PREX2: variants seen among roughly 807,000 people sequenced by gnomAD.
The protein encoded by PREX2 is phosphatidylinositol-3,4,5-trisphosphate dependent Rac exchange factor 2.
A neutral mutation model predicts 203.2 loss-of-function variants in PREX2; 107 were observed. The ratio of observed to expected loss-of-function variants is 0.53; its 90% CI spans 0.45 to 0.62. The LOEUF (loss-of-function observed/expected upper bound fraction) is 0.62. Ranked by LOEUF, PREX2 falls within the 20% of genes least tolerant of loss-of-function variation. The pLI is 0.00. For synonymous variants in PREX2, 672 were observed against 663.6 expected (o/e 1.01, Z -0.19); for missense variants, 1,777 against 1,955.9 (o/e 0.91, Z 1.72).
chr8:68,170,811 A>G (rs968302276), intron 35 of PREX2, among the ~76,000 whole-genome samples: 4 of 151,994 alleles, frequency 2.6e-5, no homozygotes, highest in Non-Finnish European at 4.4e-5. Flanking sequence ...TATCATCCCT[A>G]TCAGCCTCAT....
intron 23 of PREX2, chr8:68,100,123 C>CA (rs748460230): frequency 5.3e-6 from 3 of 565,364 alleles, no homozygotes; most frequent in Non-Finnish European, 1.0e-5. Flanking sequence ...TAGAGCTGGG[C>CA]ATTGAGTGCA....
At chr8:68,008,997 T>A (rs144968600) in intron 1 of PREX2, among the ~76,000 whole-genome samples, 1 of 152,324 alleles carries the variant, frequency 6.6e-6, no homozygotes, top group Non-Finnish European at 1.5e-5. Context: ...TAAAACAAGT[T>A]CATGTTAATT....
At chr8:68,162,119 C>T (rs970938136) in intron 35 of PREX2, among the ~76,000 whole-genome samples, 8 of 152,170 alleles carry the variant, frequency 5.3e-5, no homozygotes, top group African/African-American at 1.9e-4. Flanking sequence ...CCTCCCACAA[C>T]ATGTGGGGAT....
rs758358644 is a variant in PREX2 at position 68,115,926 on chromosome 8, C to T, written c.3320C>T (p.Ser1107Phe). Reference protein sequence around the residue: ...SGHDTISNRDSYSDCNSNRNS... With the variant: ...SGHDTISNRDFYSDCNSNRNS... The stretch of plus-strand genomic sequence containing the variant: ...CATGACACCATCAGCAACAGAGACT[C>T]TTACAGGTAATTCACTAATTCCTCA... The change falls in exon 26 of 40, where the codon TCT becomes TTT. Residue 1107 changes from serine to phenylalanine, a missense_variant. By Grantham distance (155) the Ser-to-Phe change is radical (BLOSUM62 -2). Coordinates refer to ENST00000288368, the MANE Select transcript of PREX2 (RefSeq NM_024870.4). The T allele has an allele frequency of 6.3e-7, 1 of 1,597,414 alleles. No individual in the cohort carries two copies. The highest frequency in any genetic ancestry group is 1.3e-5 in the African/African-American group (1 of 74,382).
At chr8:68,041,979 G>A (rs998062664) in intron 7 of PREX2, among the ~76,000 whole-genome samples, 2 of 152,068 alleles carry the variant, frequency 1.3e-5, no homozygotes, top group East Asian at 3.9e-4. Flanking sequence ...AATGTATTAT[G>A]TGGATCAAAT....
chr8:68,138,550 G>T (rs1278098779), intron 33 of PREX2, 33 bp downstream of exon 33: 1 of 1,050,446 alleles, frequency 9.5e-7, no homozygotes, highest in Admixed American at 2.0e-5. Flanking sequence ...AATTTATTTG[G>T]CATCAAATAA....
At chr8:68,013,021 G>A (rs1009973445) in intron 1 of PREX2, among the ~76,000 whole-genome samples, 14 of 152,206 alleles carry the variant, frequency 9.2e-5, no homozygotes, top group Admixed American at 8.5e-4. Context: ...AATTAATGCA[G>A]TGCAGTCTGG....
intron 1 of PREX2, among the ~76,000 whole-genome samples, chr8:67,954,491 G>C (rs1805437899): frequency 6.6e-6 from 1 of 152,184 alleles, no homozygotes; most frequent in Non-Finnish European, 1.5e-5. Context: ...ATTAGACTAT[G>C]CTAATATGTA....
At chr8:68,094,087 G>C (rs941743602) in intron 21 of PREX2, among the ~76,000 whole-genome samples, 1 of 152,196 alleles carries the variant, frequency 6.6e-6, no homozygotes, top group African/African-American at 2.4e-5. Flanking sequence ...AGGTTATAAT[G>C]TGTTTCCTTG....
At chr8:68,131,981 A>C (rs909994568) in intron 31 of PREX2, among the ~76,000 whole-genome samples, 1 of 152,156 alleles carries the variant, frequency 6.6e-6, no homozygotes, top group Non-Finnish European at 1.5e-5. Context: ...AAACAAAGTA[A>C]TAATTTTCAA....
intron 1 of PREX2, 130 bp from the exon 2 acceptor site, chr8:68,017,716 A>C (rs1807446310): frequency 1.4e-6 from 1 of 693,978 alleles, no homozygotes; most frequent in African/African-American, 1.8e-5. Context: ...TGTTACAACA[A>C]AACTATTATA....
At chr8:68,129,597 G>A (rs1810961073) in intron 31 of PREX2, among the ~76,000 whole-genome samples, 1 of 151,660 alleles carries the variant, frequency 6.6e-6, no homozygotes, top group South Asian at 2.1e-4. Context: ...TGCAATCTCT[G>A]TGCTAGAATA....
In PREX2 at chr8:68,027,305, G is replaced by C; in HGVS notation, c.525G>C (p.Lys175Asn). ...YLVTPIQRICKYPLILKELLK... is the reference protein window; with the variant it reads ...YLVTPIQRICNYPLILKELLK... ...TAACACCAATACAAAGAATATGCAA[G>C]TACCCTCTTATTTTGAAGGTATTTT... Residue 175 changes from lysine (K) to asparagine (N), a missense_variant, in exon 5 of 40, where the codon AAG becomes AAC. Coordinates refer to ENST00000288368, the MANE Select transcript of PREX2 (RefSeq NM_024870.4). 6.2e-7 allele frequency: 1 copy of C among 1,600,270 alleles called. No individual in the cohort carries two copies. Among genetic ancestry groups the C allele is most frequent in the Non-Finnish European group, 8.6e-7 (1 of 1,167,800 alleles).
At chr8:68,084,277 T>C (rs983610572) in intron 18 of PREX2, among the ~76,000 whole-genome samples, 1 of 152,160 alleles carries the variant, frequency 6.6e-6, no homozygotes, top group African/African-American at 2.4e-5. Flanking sequence ...GTATCATTTG[T>C]CAATCATGAT....
At chr8:68,074,985 C>A (rs1205087113) in intron 14 of PREX2, among the ~76,000 whole-genome samples, 1 of 152,142 alleles carries the variant, frequency 6.6e-6, no homozygotes, top group Non-Finnish European at 1.5e-5. Context: ...TAATAAAATA[C>A]CCTGTTTCAC....
At chr8:68,128,091 C>T (rs1810932784) in intron 31 of PREX2, among the ~76,000 whole-genome samples, 1 of 152,074 alleles carries the variant, frequency 6.6e-6, no homozygotes, top group East Asian at 1.9e-4. Flanking sequence ...AATGCATTTA[C>T]AAGGAAATAG....
chr8:68,109,033 G>A (rs1810477876), intron 24 of PREX2: 1 of 454,126 alleles, frequency 2.2e-6, no homozygotes, highest in Non-Finnish European at 4.4e-6. Flanking sequence ...ATGGTGAGTA[G>A]CAGGGCCTGG....
chr8:68,015,711 G>A (rs1417732120), intron 1 of PREX2, among the ~76,000 whole-genome samples: 1 of 151,962 alleles, frequency 6.6e-6, no homozygotes, highest in Non-Finnish European at 1.5e-5. Context: ...AAGAGCAAAT[G>A]GAATGAGATT....
chr8:68,120,555 A>T (rs1273640707), intron 29 of PREX2, among the ~76,000 whole-genome samples: 2 of 152,276 alleles, frequency 1.3e-5, no homozygotes, highest in East Asian at 3.9e-4. Context: ...AAGATACATA[A>T]ACATGAAGTT....
Sources: allele counts gnomAD v4.1 joint callset (sites outside exome capture counted in the v4.1 genomes callset), GRCh38; gene constraint gnomAD v4.1.1; transcripts MANE v1.5; gene names NCBI Gene and HGNC (gene_info 2026-07-23, HGNC 2026-07-21).